MTUS2: variants seen among roughly 807,000 people sequenced by gnomAD.
MTUS2 encodes microtubule-associated tumor suppressor candidate 2.
In MTUS2, 40 loss-of-function variants were observed where a neutral mutation model predicts 114.1. The ratio of observed to expected loss-of-function variants is 0.35; its 90% CI spans 0.27 to 0.46. MTUS2 has a LOEUF of 0.46. Among genes scored for constraint, MTUS2 ranks in the 20% least tolerant of loss-of-function variants. The pLI is 1.00. For synonymous variants in MTUS2, 688 were observed against 672.0 expected, an observed-to-expected ratio of 1.02 and a Z score of -0.37; for missense variants, 1,679 against 1,705.4, an observed-to-expected ratio of 0.98 and a Z score of 0.27.
At chr13:29,325,585 GGAAGAA>G (rs71192604) in intron 7 of MTUS2, among the ~76,000 whole-genome samples, 1 of 148,036 alleles carries the variant, frequency 6.8e-6, no homozygotes, top group African/African-American at 2.6e-5. Context: ...AGGAGGAAGA[GGAAGAA>G]GAAGAAGAAG....
chr13:28,967,306 G>A (rs1883641691), intron 2 of MTUS2, among the ~76,000 whole-genome samples: 1 of 152,068 alleles, frequency 6.6e-6, no homozygotes, highest in Admixed American at 6.6e-5. Flanking sequence ...ATTGCCGGGG[G>A]GAGAGGCATT....
Position 28,990,440 on chromosome 13 carries a change from A to G in MTUS2, c.-242-34017A>G, listed in dbSNP as rs1264003640. Among the ~76,000 whole-genome samples the G allele has an allele frequency of 3.3e-5, 5 of 152,292 alleles. No homozygotes were observed. The South Asian group carries it at 8.3e-4, about 25-fold the overall frequency. On this transcript the variant is annotated intron_variant, in intron 2 of 15. Coordinates refer to ENST00000612955, the MANE Select transcript of MTUS2 (RefSeq NM_001033602.4). ...TAGCAGAAGGATTGTAAATGCACCA[A>G]TCAGCACTCTGTAAAACCACACCAA...
At chr13:29,327,601 A>T (rs1401946327) in intron 7 of MTUS2, among the ~76,000 whole-genome samples, 2 of 152,202 alleles carry the variant, frequency 1.3e-5, no homozygotes, top group Non-Finnish European at 2.9e-5. Flanking sequence ...TATTATATAG[A>T]TATCACTATT....
chr13:28,921,227 T>C (rs1881024936), intron 2 of MTUS2, among the ~76,000 whole-genome samples: 1 of 151,842 alleles, frequency 6.6e-6, no homozygotes, highest in Non-Finnish European at 1.5e-5. Flanking sequence ...GCTGGGTATT[T>C]AGGGCCCAAG....
intron 1 of MTUS2, among the ~76,000 whole-genome samples, chr13:28,830,034 A>G (rs1414976655): frequency 6.6e-6 from 1 of 152,176 alleles, no homozygotes; most frequent in Non-Finnish European, 1.5e-5. Context: ...GTAATCCCTC[A>G]GCAAAGACAG....
At chr13:29,474,823 G>A (rs1319896444) in intron 9 of MTUS2, among the ~76,000 whole-genome samples, 2 of 152,076 alleles carry the variant, frequency 1.3e-5, no homozygotes, top group African/African-American at 4.8e-5. Flanking sequence ...TAAAAGATAT[G>A]TGTCATTTAA....
intron 2 of MTUS2, among the ~76,000 whole-genome samples, chr13:28,999,144 C>T (rs1362531697): frequency 6.6e-6 from 1 of 152,180 alleles, no homozygotes; most frequent in South Asian, 2.1e-4. Flanking sequence ...TTGGAGTTTG[C>T]TGGAGGTCCA....
chr13:28,869,747 G>T (rs1335854734), intron 2 of MTUS2, among the ~76,000 whole-genome samples: 1 of 152,138 alleles, frequency 6.6e-6, no homozygotes, highest in Non-Finnish European at 1.5e-5. Flanking sequence ...CACCAGCCTG[G>T]TGACAGAGCG....
At chr13:29,190,245 G>T (rs1042185033) in intron 5 of MTUS2, among the ~76,000 whole-genome samples, 47 of 152,340 alleles carry the variant, frequency 3.1e-4, no homozygotes, top group African/African-American at 1.1e-3. Context: ...CTAACACTGG[G>T]AATACTGTGT....
intron 8 of MTUS2, among the ~76,000 whole-genome samples, chr13:29,423,201 G>C (rs916127138): frequency 3.9e-5 from 6 of 152,206 alleles, no homozygotes. Flanking sequence ...TTCCTTCTCA[G>C]CCTAGCCCAA....
intron 1 of MTUS2, among the ~76,000 whole-genome samples, chr13:28,823,693 C>G (rs1593222705): frequency 6.6e-6 from 1 of 152,182 alleles, no homozygotes; most frequent in African/African-American, 2.4e-5. Flanking sequence ...GATTTGAAAA[C>G]ACTGTAGCAT....
chr13:28,913,119 G>T (rs1200691085), intron 2 of MTUS2, among the ~76,000 whole-genome samples: 1 of 152,118 alleles, frequency 6.6e-6, no homozygotes, highest in Non-Finnish European at 1.5e-5. Flanking sequence ...TATCTTGCCT[G>T]ATTCCCCTGG....
intron 5 of MTUS2, among the ~76,000 whole-genome samples, chr13:29,144,620 C>G (rs1412027680): frequency 1.3e-5 from 2 of 152,098 alleles, no homozygotes; most frequent in Admixed American, 6.5e-5. Flanking sequence ...TGCTTGCTGT[C>G]ATCTGGAGGT....
intron 5 of MTUS2, among the ~76,000 whole-genome samples, chr13:29,211,748 G>A (rs1895449020): frequency 1.3e-5 from 2 of 151,936 alleles, no homozygotes; most frequent in Non-Finnish European, 2.9e-5. Context: ...ATGTGTGTTT[G>A]GGGGCAGTCG....
chr13:29,329,680 C>A (rs2138049691), intron 7 of MTUS2, among the ~76,000 whole-genome samples: 1 of 140,468 alleles, frequency 7.1e-6, no homozygotes, highest in Middle Eastern at 4.2e-3. Context: ...GTGGTGTGAT[C>A]TTGGCTCACT....
intron 9 of MTUS2, among the ~76,000 whole-genome samples, chr13:29,467,985 G>A (rs1292638360): frequency 1.3e-5 from 2 of 152,016 alleles, no homozygotes; most frequent in Non-Finnish European, 2.9e-5. Context: ...GTGTGGTGGC[G>A]CACACCTATA....
chr13:29,134,410 C>G (rs1426993817), intron 5 of MTUS2, among the ~76,000 whole-genome samples: 1 of 152,018 alleles, frequency 6.6e-6, no homozygotes, highest in Non-Finnish European at 1.5e-5. Context: ...TTCAAGCTCT[C>G]TATTCTTTAC....
intron 5 of MTUS2, among the ~76,000 whole-genome samples, chr13:29,245,140 C>A (rs974054583): frequency 1.3e-5 from 2 of 151,934 alleles, no homozygotes; most frequent in Admixed American, 6.6e-5. Context: ...AGAGGACAAT[C>A]ATAGACATGC....
At chr13:29,287,522 A>C (rs149393548) in intron 6 of MTUS2, among the ~76,000 whole-genome samples, 1,300 of 119,618 alleles carry the variant, frequency 0.011, 8 homozygotes, top group South Asian at 0.037. Flanking sequence ...TGTGTGTGTA[A>C]ACATTCACCC....
Sources: allele counts gnomAD v4.1 joint callset (sites outside exome capture counted in the v4.1 genomes callset), GRCh38; gene constraint gnomAD v4.1.1; transcripts MANE v1.5; gene names NCBI Gene and HGNC (gene_info 2026-07-23, HGNC 2026-07-21).